Variants in PDE11A observed in about 807,000 individuals in gnomAD.
The protein encoded by PDE11A is dual 3',5'-cyclic-AMP and -GMP phosphodiesterase 11A.
Under a neutral mutation model 100.5 loss-of-function variants are expected in PDE11A, and 100 were observed. The observed-to-expected ratio is 1.00, with a 90% CI of 0.85 to 1.18. The LOEUF (loss-of-function observed/expected upper bound fraction) is 1.18. PDE11A is among the 50% of genes most tolerant of loss of function. The probability of loss-of-function intolerance (pLI) is 0.00; values close to 1 mark genes in which losing one functional copy is unlikely to be tolerated. For missense variants in PDE11A, 1,141 were observed against 1,152.6 expected, an observed-to-expected ratio of 0.99 and a Z score of 0.15; for synonymous variants, 381 against 420.8, an observed-to-expected ratio of 0.91 and a Z score of 1.16.
chr2:178,067,361 C>T (rs1574380106), intron 1 of PDE11A, among the ~76,000 whole-genome samples: 1 of 152,320 alleles, frequency 6.6e-6, no homozygotes, highest in East Asian at 1.9e-4. Context: ...GCTAGGTGTT[C>T]AAAGTCCTTC....
intron 5 of PDE11A, among the ~76,000 whole-genome samples, chr2:177,857,844 T>G (rs927136575): frequency 6.6e-6 from 1 of 151,970 alleles, no homozygotes; most frequent in Non-Finnish European, 1.5e-5. Context: ...ATGGAAAAAG[T>G]ATATATATTA....
At chr2:178,107,284 G>A (rs2087630820) in intron 1 of PDE11A, among the ~76,000 whole-genome samples, 1 of 151,680 alleles carries the variant, frequency 6.6e-6, no homozygotes, top group East Asian at 1.9e-4. Flanking sequence ...GGATAGCAAG[G>A]GATAGAATAT....
intron 1 of PDE11A, among the ~76,000 whole-genome samples, chr2:178,022,379 C>T (rs1004937478): frequency 1.3e-5 from 2 of 152,068 alleles, no homozygotes; most frequent in African/African-American, 4.8e-5. Context: ...ATATGAGTTT[C>T]GTTGTGGACA....
chr2:177,679,592 T>C (rs887549729), intron 16 of PDE11A, among the ~76,000 whole-genome samples: 3 of 152,150 alleles, frequency 2.0e-5, no homozygotes, highest in African/African-American at 7.2e-5. Flanking sequence ...ATTCATATAA[T>C]TACTCATGGC....
At chr2:178,026,083 C>T (rs999690439) in intron 1 of PDE11A, among the ~76,000 whole-genome samples, 1 of 152,060 alleles carries the variant, frequency 6.6e-6, no homozygotes, top group African/African-American at 2.4e-5. Flanking sequence ...ACATTGGAGA[C>T]TTGGTCTCAC....
At chr2:178,068,482 A>G (rs1310985422) in intron 1 of PDE11A, among the ~76,000 whole-genome samples, 2 of 152,080 alleles carry the variant, frequency 1.3e-5, no homozygotes, top group African/African-American at 4.8e-5. Flanking sequence ...TATCATCAAT[A>G]TAATTATTAA....
rs550084207 is a variant in PDE11A, at chr2:177,700,278, A to G, written c.2244+843T>C. 2.6e-5 allele frequency among the ~76,000 whole-genome samples: 4 copies of G among 151,864 alleles called. No individual in the cohort carries two copies. The South Asian group carries it at 6.2e-4, about 24-fold the overall frequency. ...TCTCAAGATAGGCTGGAGGTAAAAA[A>G]CCTCCATATTTAATGATGCTATTCT... On this transcript the variant is annotated intron_variant, in intron 14 of 19. Coordinates refer to ENST00000286063, the MANE Select transcript of PDE11A (RefSeq NM_016953.4).
chr2:177,776,530 T>G (rs2082380035), intron 9 of PDE11A, among the ~76,000 whole-genome samples: 1 of 152,142 alleles, frequency 6.6e-6, no homozygotes, highest in South Asian at 2.1e-4. Flanking sequence ...TGAGGGGAAT[T>G]GTGCCCCCCA....
At chr2:177,999,455 G>A (rs371584751) in intron 2 of PDE11A, among the ~76,000 whole-genome samples, 5 of 152,234 alleles carry the variant, frequency 3.3e-5, no homozygotes, top group South Asian at 2.1e-4. Flanking sequence ...AATTGATGTC[G>A]ATATTAAAGC....
intron 6 of PDE11A, among the ~76,000 whole-genome samples, chr2:177,826,360 T>C (rs1028743816): frequency 2.0e-5 from 3 of 152,264 alleles, no homozygotes; most frequent in African/African-American, 7.2e-5. Context: ...TAATGTTCAG[T>C]GTATTTCCTT....
chr2:177,776,415 C>A (rs1042948381), intron 9 of PDE11A, among the ~76,000 whole-genome samples: 6 of 152,138 alleles, frequency 3.9e-5, no homozygotes, highest in Admixed American at 3.3e-4. Flanking sequence ...TCTCCTTTCA[C>A]CCCCACCTCA....
At chr2:178,064,210 C>T (rs1489031549) in intron 1 of PDE11A, among the ~76,000 whole-genome samples, 1 of 152,158 alleles carries the variant, frequency 6.6e-6, no homozygotes, top group African/African-American at 2.4e-5. Context: ...CACTCTGATG[C>T]CTTTTACAGT....
At chr2:177,991,757 A>C (rs1217791886) in intron 2 of PDE11A, among the ~76,000 whole-genome samples, 3 of 149,788 alleles carry the variant, frequency 2.0e-5, no homozygotes, top group Non-Finnish European at 4.4e-5. Flanking sequence ...TCAGGATAGA[A>C]TTCTTCTAGA....
chr2:177,787,574 A>G (rs1457236789), intron 9 of PDE11A, among the ~76,000 whole-genome samples: 5 of 151,842 alleles, frequency 3.3e-5, no homozygotes, highest in South Asian at 2.1e-4. Flanking sequence ...AAATGCTCCA[A>G]TTAAAAGACG....
chr2:178,083,299 A>G (rs1237839063), intron 2 of PDE11A, among the ~76,000 whole-genome samples: 1 of 152,034 alleles, frequency 6.6e-6, no homozygotes, highest in African/African-American at 2.4e-5. Context: ...GGGTTTCACC[A>G]TGTTGGTCAG....
chr2:177,791,109 T>A (rs2105535350), intron 9 of PDE11A, among the ~76,000 whole-genome samples: 1 of 152,230 alleles, frequency 6.6e-6, no homozygotes, highest in East Asian at 1.9e-4. Context: ...GAGGCACTAT[T>A]CACAATAGCA....
intron 19 of PDE11A, among the ~76,000 whole-genome samples, chr2:177,637,406 C>T (rs1453498313): frequency 6.6e-6 from 1 of 152,166 alleles, no homozygotes; most frequent in Non-Finnish European, 1.5e-5. Flanking sequence ...ACTCTCCTTC[C>T]TTAGGCATGC....
rs185514968 is a variant in PDE11A, at chr2:178,029,280, C to T, written c.913-14820G>A. The stretch of plus-strand genomic sequence containing the variant: ...AATCACCATGTCAAATAACTGATAT[C>T]ACACAGAAAATATAATTTAACTCCA... On this transcript the variant is annotated intron_variant, in intron 1 of 19. Transcript: ENST00000286063. 1.1e-3 allele frequency among the ~76,000 whole-genome samples: 170 copies of T among 152,242 alleles called. 4 individuals are homozygous for T. The highest frequency in any genetic ancestry group is 0.01 in the Admixed American group (160 of 15,292).
chr2:177,798,017 T>C (rs191694001), intron 9 of PDE11A, among the ~76,000 whole-genome samples: 8 of 152,278 alleles, frequency 5.3e-5, no homozygotes, highest in Admixed American at 3.3e-4. Flanking sequence ...CCCGGGTAGC[T>C]CTCCAGCCTC....
Sources: gnomAD v4.1 joint callset for allele counts (sites outside exome capture counted in the v4.1 genomes callset) on GRCh38, gnomAD v4.1.1 for gene constraint, MANE v1.5 for transcripts, NCBI Gene and HGNC (gene_info 2026-07-23, HGNC 2026-07-21) for gene names.